ARVCF: variants seen among roughly 807,000 people sequenced by gnomAD.
ARVCF encodes ARVCF delta catenin family member, also known as splicing regulator ARVCF.
In ARVCF, 66 loss-of-function variants were observed where a neutral mutation model predicts 90.9. That is an observed-to-expected ratio of 0.73 (90% CI 0.60 to 0.89). ARVCF has a LOEUF of 0.89. Among genes scored for constraint, ARVCF ranks in the 40% least tolerant of loss-of-function variants. ARVCF has a pLI of 0.00. For synonymous variants in ARVCF, 653 were observed against 603.4 expected (o/e 1.08, Z -1.21); for missense variants, 1,469 against 1,382.3 (o/e 1.06, Z -1.00).
intron 1 of ARVCF, among the ~76,000 whole-genome samples, chr22:20,014,332 C>A (rs1431283781): frequency 6.6e-6 from 1 of 151,694 alleles, no homozygotes; most frequent in Non-Finnish European, 1.5e-5. Context: ...GTAGCTGGGA[C>A]TACAGGCGCA....
chr22:20,014,017 C>G (rs1944932223), intron 1 of ARVCF, among the ~76,000 whole-genome samples: 1 of 152,040 alleles, frequency 6.6e-6, no homozygotes, highest in Admixed American at 6.5e-5. Context: ...GGATTACAGG[C>G]ATATGCCACC....
Position 19,986,821 on chromosome 22 carries a change from AC to A in ARVCF, c.210+3763del, listed in dbSNP as rs1482498657. On this transcript the variant is annotated intron_variant, in intron 3 of 19. Coordinates refer to ENST00000263207, the MANE Select transcript of ARVCF (RefSeq NM_001670.3). ...GAGGGTCAAACTGCCAGGGGTCCCG[AC>A]CCCCCCAGGCCCCGCGGATGGGCTC... 4.8e-5 allele frequency: 20 copies of A among 413,768 alleles called. 1 individual carries two copies. Among genetic ancestry groups the A allele is most frequent in the South Asian group, 4.6e-4 (10 of 21,508 alleles). The allele number at this position is 413,768 out of a possible 1,614,324, so 25.6% of individuals were successfully genotyped here.
chr22:19,987,087 C>A, intron 3 of ARVCF: 1 of 610,122 alleles, frequency 1.6e-6, no homozygotes, highest in Non-Finnish European at 3.0e-6. Flanking sequence ...CTGAGTTCGG[C>A]CGGCATCGGG....
intron 2 of ARVCF, among the ~76,000 whole-genome samples, chr22:19,996,421 T>C (rs1944254497): frequency 6.6e-6 from 1 of 152,120 alleles, no homozygotes; most frequent in Admixed American, 6.5e-5. Flanking sequence ...GGTGCTGGCG[T>C]TACTCGCAGA....
rs367914866 is a variant in ARVCF, at chr22:19,973,262, C to T, written c.2295G>A (p.Pro765=). Residue 765 remains proline, a synonymous_variant, in exon 14 of 20, where the codon CCG becomes CCA. Coordinates refer to ENST00000263207, the MANE Select transcript of ARVCF (RefSeq NM_001670.3). ...CTTCCTCCAGGCAGGCCCCCGGTCG[C>T]GGCGGAGCCTGTGCATTGCGCACAT... is the stretch of plus-strand genomic sequence containing the variant. ...VRNVRNAQAP[P]RPGACLEEDT... 3.4e-5 allele frequency: 54 copies of T among 1,608,956 alleles called. No individual in the cohort carries two copies. Among genetic ancestry groups the T allele is most frequent in the Middle Eastern group, 1.7e-4 (1 of 6,042 alleles).
intron 2 of ARVCF, among the ~76,000 whole-genome samples, chr22:19,992,518 G>C (rs1384106512): frequency 6.6e-6 from 1 of 152,202 alleles, no homozygotes; most frequent in African/African-American, 2.4e-5. Flanking sequence ...CTAGTGCTAG[G>C]CCCGAGGTGG....
At chr22:19,999,556 TG>T (rs1944372684) in intron 2 of ARVCF, among the ~76,000 whole-genome samples, 1 of 151,498 alleles carries the variant, frequency 6.6e-6, no homozygotes, top group African/African-American at 2.4e-5. Flanking sequence ...GGCACAGGGG[TG>T]GGGGTTGGGA....
At chr22:19,981,891 C>T in intron 4 of ARVCF, 42 bp downstream of exon 4, 1 of 1,603,144 alleles carries the variant, frequency 6.2e-7, no homozygotes, top group Non-Finnish European at 8.5e-7. Context: ...GCTGCAGCAG[C>T]CTGGCCCTGC....
downstream of ARVCF, chr22:19,968,671 A>AG (rs1438753897): frequency 1.2e-6 from 2 of 1,613,860 alleles, no homozygotes; most frequent in Non-Finnish European, 1.7e-6. Context: ...CCTGGAATAC[A>AG]GGGAGGTGGT....
rs537459444 is a variant in ARVCF at position 19,990,692 on chromosome 22, G to A, written c.103C>T (p.Arg35Cys). ...CGCTCCAGCTGTAGGGCAACATGGCGCCGCTCCTGCTCCAGTGCCCGTGTC... is the reference window on the plus strand; with the variant it reads ...CGCTCCAGCTGTAGGGCAACATGGCACCGCTCCTGCTCCAGTGCCCGTGTC... ...RLTRALEQER[R>C]HVALQLERAQ... The change falls in exon 3 of 20, where the codon CGC (arginine) becomes TGC (cysteine). Residue 35 changes from arginine to cysteine, a missense_variant. Physicochemically the swap from Arg to Cys is radical, Grantham distance 180. Transcript: ENST00000263207. 12 of 1,601,904 alleles carry A rather than the reference G, an allele frequency of 7.5e-6. No individual in the cohort carries two copies. The highest frequency in any genetic ancestry group is 2.7e-5 in the African/African-American group (2 of 74,862).
chr22:19,998,619 C>A (rs1944339090), intron 2 of ARVCF, among the ~76,000 whole-genome samples: 1 of 152,138 alleles, frequency 6.6e-6, no homozygotes, highest in Admixed American at 6.5e-5. Context: ...GGGGTTCCTG[C>A]TTTCCCCTCT....
rs1388106310 is a variant in ARVCF at position 19,974,045 on chromosome 22, GC to G, written c.2088+66del. On this transcript the variant is annotated intron_variant, in intron 12 of 19. Coordinates refer to ENST00000263207, the MANE Select transcript of ARVCF (RefSeq NM_001670.3). ...TTCCCCGCCAGCCGAGGCAGGAGCT[GC>G]ACCAGTGAGGTGCCTGGGATTCCCT... is the stretch of plus-strand genomic sequence containing the variant. The G allele has an allele frequency of 2.6e-6, 4 of 1,553,370 alleles. No homozygotes were observed. In the African/African-American group the frequency reaches 5.4e-5, roughly 21 times the overall value.
intron 2 of ARVCF, among the ~76,000 whole-genome samples, chr22:19,992,002 C>T (rs1031134434): frequency 6.6e-6 from 1 of 152,224 alleles, no homozygotes; most frequent in Non-Finnish European, 1.5e-5. Flanking sequence ...ATCCCCAGAG[C>T]GTCAGCACTG....
In ARVCF at chr22:19,979,757, C is replaced by T. The variant is rs1569160129; in HGVS notation, c.1382G>A (p.Arg461His). 17 of 1,599,520 alleles carry T rather than the reference C, an allele frequency of 1.1e-5. No homozygotes were observed. Among genetic ancestry groups the T allele is most frequent in the Non-Finnish European group, 1.3e-5 (15 of 1,170,800 alleles). The change falls in exon 6 of 20, where the codon CGT becomes CAT. Residue 461 changes from arginine (R) to histidine (H), a missense_variant. Coordinates refer to ENST00000263207, the MANE Select transcript of ARVCF (RefSeq NM_001670.3). ...LLRAARDNEV[R>H]ELVTGTLWNL... ...GTCCCACTCACCAGTGACAAGCTCA[C>T]GGACCTCGTTGTCCCGGGCAGCCCT...
chr22:19,978,682 C>T (rs954420006), intron 7 of ARVCF, among the ~76,000 whole-genome samples: 2 of 152,158 alleles, frequency 1.3e-5, no homozygotes, highest in East Asian at 1.9e-4. Context: ...ACCACAGAGA[C>T]CCCTCCAGAG....
At chr22:19,987,145 A>C (rs1014716685) in intron 3 of ARVCF, 2 of 476,906 alleles carry the variant, frequency 4.2e-6, no homozygotes, top group Non-Finnish European at 3.8e-6. Context: ...CGGTGGCTGG[A>C]CCAGGCTCGG....
intron 11 of ARVCF, 37 bp downstream of exon 11, chr22:19,975,649 T>G: frequency 1.2e-6 from 2 of 1,610,912 alleles, no homozygotes; most frequent in Non-Finnish European, 1.7e-6. Context: ...AGCCCAGACA[T>G]CCCCCAGTGG....
rs762879311 is a variant in ARVCF at position 19,973,031 on chromosome 22, G to A, written c.2444C>T (p.Ser815Leu). 19 of 1,612,828 alleles carry A rather than the reference G, an allele frequency of 1.2e-5. No individual in the cohort carries two copies. Among genetic ancestry groups the A allele is most frequent in the Non-Finnish European group, 1.4e-5 (17 of 1,179,946 alleles). The change falls in exon 15 of 20, where the codon TCG becomes TTG. Residue 815 changes from serine (S) to leucine (L), a missense_variant. Physicochemically the swap from Ser to Leu is moderately radical, Grantham distance 145. Coordinates refer to ENST00000263207, the MANE Select transcript of ARVCF (RefSeq NM_001670.3). ...ALVALVASSQSVREAKAASHV... is the reference protein window; with the variant it reads ...ALVALVASSQLVREAKAASHV... ...TGACGCCGCCTTCGCTTCGCGTACC[G>A]ATTGGCTGTGGGGCCGGGGGCGGGG...
downstream of ARVCF, chr22:19,968,670 C>T (rs749349777): frequency 8.7e-6 from 14 of 1,613,986 alleles, no homozygotes; most frequent in Admixed American, 1.7e-5. Flanking sequence ...TCCTGGAATA[C>T]AGGGAGGTGG....
Sources: allele counts gnomAD v4.1 joint callset (sites outside exome capture counted in the v4.1 genomes callset), GRCh38; gene constraint gnomAD v4.1.1; transcripts MANE v1.5; gene names NCBI Gene and HGNC (gene_info 2026-07-23, HGNC 2026-07-21).